The following SLC25A21 variants were observed in gnomAD, a reference collection of about 807,000 sequenced individuals.
SLC25A21 encodes the protein solute carrier family 25 member 21, also known as mitochondrial 2-oxodicarboxylate carrier.
Under a neutral mutation model 43.8 loss-of-function variants are expected in SLC25A21, and 47 were observed. That is an observed-to-expected ratio of 1.07 (90% confidence interval 0.85 to 1.37). The LOEUF (loss-of-function observed/expected upper bound fraction) is 1.37. SLC25A21 is among the 40% of genes most tolerant of loss of function. SLC25A21 has a pLI of 0.00. For missense variants in SLC25A21, 352 were observed against 350.2 expected (o/e 1.00, Z -0.04); for synonymous variants, 131 against 121.3 (o/e 1.08, Z -0.52).
chr14:36,691,266 G>C (rs1291409487), intron 7 of SLC25A21, among the ~76,000 whole-genome samples: 2 of 152,182 alleles, frequency 1.3e-5, no homozygotes, highest in Non-Finnish European at 2.9e-5. Context: ...CTTAGGCCAA[G>C]AGAAGACTTA....
intron 2 of SLC25A21, among the ~76,000 whole-genome samples, chr14:36,834,877 C>T (rs1267441856): frequency 1.3e-5 from 2 of 151,978 alleles, no homozygotes; most frequent in African/African-American, 4.8e-5. Flanking sequence ...ATAGCATAAA[C>T]ACAAGTATGA....
intron 2 of SLC25A21, among the ~76,000 whole-genome samples, chr14:36,865,031 CT>C (rs987569466): frequency 1.1e-3 from 153 of 145,094 alleles, no homozygotes; most frequent in East Asian, 1.4e-3. Flanking sequence ...TTCTTTCTTT[CT>C]TTTTTTTTTT....
At chr14:36,879,299 T>C (rs556749653) in intron 1 of SLC25A21, among the ~76,000 whole-genome samples, 1 of 152,336 alleles carries the variant, frequency 6.6e-6, no homozygotes, top group South Asian at 2.1e-4. Context: ...GTTCCATATG[T>C]TATTTTTATT....
chr14:37,135,694 A>G (rs773658654), intron 1 of SLC25A21, among the ~76,000 whole-genome samples: 2 of 150,308 alleles, frequency 1.3e-5, no homozygotes, highest in Non-Finnish European at 2.9e-5. Context: ...CTTTTTCCCT[A>G]AACATTTTAA....
At chr14:36,903,712 A>T (rs931507445) in intron 1 of SLC25A21, among the ~76,000 whole-genome samples, 1 of 151,664 alleles carries the variant, frequency 6.6e-6, no homozygotes, top group Non-Finnish European at 1.5e-5. Context: ...ATTGCTTGAT[A>T]AACTAAAATA....
chr14:36,920,867 C>T (rs1891961429), intron 1 of SLC25A21, among the ~76,000 whole-genome samples: 1 of 152,042 alleles, frequency 6.6e-6, no homozygotes, highest in African/African-American at 2.4e-5. Flanking sequence ...AGCACTAATG[C>T]TATAACTAGT....
intron 1 of SLC25A21, among the ~76,000 whole-genome samples, chr14:37,143,150 G>C (rs941363817): frequency 5.3e-5 from 8 of 152,208 alleles, no homozygotes; most frequent in African/African-American, 1.9e-4. Flanking sequence ...CCTTATAATG[G>C]AAAGTTTTAC....
chr14:36,704,260 A>G (rs1161925840), intron 7 of SLC25A21, among the ~76,000 whole-genome samples: 1 of 152,228 alleles, frequency 6.6e-6, no homozygotes, highest in Non-Finnish European at 1.5e-5. Context: ...TGAGCATGGC[A>G]GAAAGAGAAT....
intron 1 of SLC25A21, among the ~76,000 whole-genome samples, chr14:37,128,415 A>C (rs1299905873): frequency 6.6e-6 from 1 of 152,192 alleles, no homozygotes; most frequent in African/African-American, 2.4e-5. Context: ...CATAAGCTAC[A>C]TTAAATTGTG....
chr14:36,769,700 T>C (rs144783095), intron 3 of SLC25A21, among the ~76,000 whole-genome samples: 143 of 152,372 alleles, frequency 9.4e-4, no homozygotes, highest in African/African-American at 3.3e-3. Context: ...TTTTAAAATA[T>C]GTAGACTCAT....
intron 1 of SLC25A21, among the ~76,000 whole-genome samples, chr14:37,016,816 G>A (rs1398533846): frequency 6.6e-6 from 1 of 151,974 alleles, no homozygotes; most frequent in Non-Finnish European, 1.5e-5. Flanking sequence ...GTTTCACCTT[G>A]CACTTTTCTG....
chr14:36,724,227 C>T (rs1884493484), intron 6 of SLC25A21, among the ~76,000 whole-genome samples: 1 of 152,054 alleles, frequency 6.6e-6, no homozygotes, highest in South Asian at 2.1e-4. Context: ...AAAAAATTCC[C>T]CCTGAATTAG....
intron 7 of SLC25A21, among the ~76,000 whole-genome samples, chr14:36,694,938 T>TAGG (rs1273117428): frequency 1.2e-4 from 18 of 152,228 alleles, no homozygotes; most frequent in Non-Finnish European, 2.1e-4. Flanking sequence ...CAGTTTTGGC[T>TAGG]TTTCTTGCCA....
intron 2 of SLC25A21, among the ~76,000 whole-genome samples, chr14:36,821,475 A>G (rs1877798017): frequency 6.6e-6 from 1 of 152,162 alleles, no homozygotes; most frequent in African/African-American, 2.4e-5. Flanking sequence ...AGTTTTTAAA[A>G]AAATTTAGCT....
At chr14:36,874,151 C>A (rs1320083260) in intron 2 of SLC25A21, among the ~76,000 whole-genome samples, 6 of 152,198 alleles carry the variant, frequency 3.9e-5, no homozygotes, top group African/African-American at 1.2e-4. Flanking sequence ...ATCCAATGAC[C>A]AGCCTGAATT....
At chr14:37,054,703 G>C (rs570303227) in intron 1 of SLC25A21, among the ~76,000 whole-genome samples, 12 of 125,956 alleles carry the variant, frequency 9.5e-5, no homozygotes, top group Non-Finnish European at 1.6e-4. Context: ...TCAGTAATTT[G>C]GAAAATAGAA....
chr14:36,789,861 A>AT (rs1396465884), intron 3 of SLC25A21, among the ~76,000 whole-genome samples: 30 of 106,034 alleles, frequency 2.8e-4, no homozygotes, highest in Admixed American at 6.5e-4. Context: ...ATATATTTAT[A>AT]TAAAAATATA....
chr14:36,905,847 G>A (rs1476892666), intron 1 of SLC25A21, among the ~76,000 whole-genome samples: 2 of 152,064 alleles, frequency 1.3e-5, no homozygotes, highest in African/African-American at 4.8e-5. Context: ...CTGAACTGTC[G>A]CCAAACCTGA....
At chr14:37,154,768 G>A (rs937583880) in intron 1 of SLC25A21, among the ~76,000 whole-genome samples, 5 of 149,910 alleles carry the variant, frequency 3.3e-5, no homozygotes, top group African/African-American at 9.8e-5. Context: ...TCAGCCTCCC[G>A]AGTAGCTAGG....
Sources: gnomAD v4.1 joint callset for allele counts (sites outside exome capture counted in the v4.1 genomes callset) on GRCh38, gnomAD v4.1.1 for gene constraint, MANE v1.5 for transcripts, NCBI Gene and HGNC (gene_info 2026-07-23, HGNC 2026-07-21) for gene names.